NRCAM: variants seen among roughly 807,000 people sequenced by gnomAD.
The protein encoded by NRCAM is neuronal cell adhesion molecule.
NRCAM carries 83 observed loss-of-function variants against 156.5 expected under a neutral mutation model. That is an observed-to-expected ratio of 0.53 (90% confidence interval 0.44 to 0.64). The LOEUF (loss-of-function observed/expected upper bound fraction) is 0.64, where lower values mean the gene tolerates loss of function less well. Among genes scored for constraint, NRCAM ranks in the 30% least tolerant of loss-of-function variants. NRCAM has a pLI of 0.00. For synonymous variants in NRCAM, 538 were observed against 563.9 expected, an observed-to-expected ratio of 0.95 and a Z score of 0.65; for missense variants, 1,417 against 1,597.3, an observed-to-expected ratio of 0.89 and a Z score of 1.92.
intron 28 of NRCAM, among the ~76,000 whole-genome samples, chr7:108,170,900 C>A (rs1195028565): frequency 6.6e-6 from 1 of 152,060 alleles, no homozygotes; most frequent in Non-Finnish European, 1.5e-5. Context: ...TACAAACTTT[C>A]AGTTATAAGA....
chr7:108,232,894 CTA>C (rs1302288238), intron 6 of NRCAM, among the ~76,000 whole-genome samples: 1 of 152,080 alleles, frequency 6.6e-6, no homozygotes, highest in Non-Finnish European at 1.5e-5. Context: ...GATAACCTGT[CTA>C]TAAAAATTTG....
chr7:108,427,038 T>G (rs557955607), intron 1 of NRCAM, among the ~76,000 whole-genome samples: 1 of 152,322 alleles, frequency 6.6e-6, no homozygotes, highest in East Asian at 1.9e-4. Flanking sequence ...ACACCGAAGC[T>G]CTGCTCTACT....
chr7:108,289,187 T>C (rs551498835), intron 3 of NRCAM, among the ~76,000 whole-genome samples: 2 of 152,260 alleles, frequency 1.3e-5, no homozygotes, highest in South Asian at 2.1e-4. Flanking sequence ...ACAGTATAAA[T>C]AGAAAACATA....
At chr7:108,184,008 G>C (rs1429553795) in intron 22 of NRCAM, among the ~76,000 whole-genome samples, 1 of 152,074 alleles carries the variant, frequency 6.6e-6, no homozygotes, top group Admixed American at 6.5e-5. Flanking sequence ...AGATCACAGA[G>C]TTAGTGGCAG....
chr7:108,293,347 G>A (rs907998945), intron 3 of NRCAM, among the ~76,000 whole-genome samples: 2 of 152,028 alleles, frequency 1.3e-5, no homozygotes, highest in African/African-American at 4.8e-5. Context: ...TTTATAAATC[G>A]CCTTAATAAG....
intron 22 of NRCAM, among the ~76,000 whole-genome samples, chr7:108,183,589 T>C (rs1361799486): frequency 6.6e-6 from 1 of 150,886 alleles, no homozygotes; most frequent in East Asian, 2.0e-4. Context: ...CAGGCTGGAG[T>C]GCAGTGGTGT....
rs530428785 is a variant in NRCAM at position 108,252,378 on chromosome 7, G to T, written c.-106-12208C>A. Among the ~76,000 whole-genome samples the T allele has an allele frequency of 1.1e-4, 17 of 152,266 alleles. No individual in the cohort carries two copies. The South Asian group carries it at 3.5e-3, about 32-fold the overall frequency. On this transcript the variant is annotated intron_variant, in intron 3 of 32. Transcript: ENST00000379028. ...AAATTTAGGTTTCTGTCTCCTTCGA[G>T]AATTTTAAATAAGACTATTGTAGGC...
intron 2 of NRCAM, among the ~76,000 whole-genome samples, chr7:108,331,523 A>T (rs2099126659): frequency 2.0e-5 from 3 of 152,206 alleles, no homozygotes; most frequent in African/African-American, 7.2e-5. Context: ...CTTGTGCCTC[A>T]GTTTCCTTAT....
intron 2 of NRCAM, among the ~76,000 whole-genome samples, chr7:108,378,330 T>C (rs1182700621): frequency 2.6e-5 from 4 of 151,856 alleles, no homozygotes; most frequent in Admixed American, 6.6e-5. Context: ...AAAAATGTAT[T>C]GGACAAGTAA....
chr7:108,246,833 C>A (rs1388269239), intron 3 of NRCAM, among the ~76,000 whole-genome samples: 1 of 152,206 alleles, frequency 6.6e-6, no homozygotes, highest in South Asian at 2.1e-4. Context: ...TTGGTGGCCC[C>A]AGGAAGCACC....
At chr7:108,168,834 A>G (rs547849152) in intron 28 of NRCAM, among the ~76,000 whole-genome samples, 1 of 152,324 alleles carries the variant, frequency 6.6e-6, no homozygotes, top group Non-Finnish European at 1.5e-5. Flanking sequence ...CCTATTTGTC[A>G]TCTCAATGCA....
At chr7:108,190,233 C>T (rs422327) in intron 19 of NRCAM, among the ~76,000 whole-genome samples, 101,216 of 152,118 alleles carry the variant, frequency 0.67, 36,257 homozygotes, top group East Asian at 0.96. Flanking sequence ...TTTATATTTG[C>T]GAAAGAATGC....
intron 11 of NRCAM, among the ~76,000 whole-genome samples, chr7:108,220,238 G>A (rs1223993325): frequency 1.3e-5 from 2 of 152,080 alleles, no homozygotes; most frequent in East Asian, 1.9e-4. Context: ...GCTCATGGAA[G>A]AGTAGAATCA....
chr7:108,285,428 G>C (rs932600490), intron 3 of NRCAM, among the ~76,000 whole-genome samples: 2 of 152,224 alleles, frequency 1.3e-5, no homozygotes, highest in African/African-American at 4.8e-5. Flanking sequence ...TTGAAAAAAA[G>C]CTTTACAATA....
At chr7:108,375,409 C>T (rs946317971) in intron 2 of NRCAM, among the ~76,000 whole-genome samples, 1 of 152,134 alleles carries the variant, frequency 6.6e-6, no homozygotes, top group Non-Finnish European at 1.5e-5. Context: ...TCAGGACATT[C>T]ATCCGCGTGA....
chr7:108,355,341 T>G (rs1045422544), intron 2 of NRCAM, among the ~76,000 whole-genome samples: 15 of 152,210 alleles, frequency 9.9e-5, no homozygotes, highest in African/African-American at 3.6e-4. Context: ...GCAACAGAAG[T>G]GAAGAACTTT....
intron 1 of NRCAM, among the ~76,000 whole-genome samples, chr7:108,400,891 C>T (rs1323523418): frequency 1.3e-5 from 2 of 152,042 alleles, no homozygotes; most frequent in Non-Finnish European, 2.9e-5. Flanking sequence ...AGACATGAGC[C>T]ACACTGATGA....
intron 3 of NRCAM, among the ~76,000 whole-genome samples, chr7:108,307,265 C>G (rs539971784): frequency 6.6e-6 from 1 of 152,230 alleles, no homozygotes; most frequent in East Asian, 1.9e-4. Context: ...AGGAGGCATC[C>G]CAGGAACACA....
At chr7:108,178,268 C>G in intron 25 of NRCAM, 156 bp from the exon 26 acceptor site, 2 of 631,580 alleles carry the variant, frequency 3.2e-6, no homozygotes, top group Non-Finnish European at 5.4e-6. Context: ...CTGTGACAGG[C>G]ACCCATTTAG....
Sources: gnomAD v4.1 joint callset for allele counts (sites outside exome capture counted in the v4.1 genomes callset) on GRCh38, gnomAD v4.1.1 for gene constraint, MANE v1.5 for transcripts, NCBI Gene and HGNC (gene_info 2026-07-23, HGNC 2026-07-21) for gene names.